The following STXBP5 variants were observed in gnomAD, a reference collection of about 807,000 sequenced individuals.
STXBP5 encodes syntaxin binding protein 5.
Under a neutral mutation model 152.4 loss-of-function variants are expected in STXBP5, and 50 were observed. The ratio of observed to expected loss-of-function variants is 0.33; its 90% CI spans 0.26 to 0.42. The LOEUF (loss-of-function observed/expected upper bound fraction) is 0.42, where lower values mean the gene tolerates loss of function less well. Among genes scored for constraint, STXBP5 ranks in the 10% least tolerant of loss-of-function variants. The pLI is 1.00. For missense variants in STXBP5, 1,167 were observed against 1,388.6 expected, an observed-to-expected ratio of 0.84 and a Z score of 2.54; for synonymous variants, 492 against 494.7, an observed-to-expected ratio of 0.99 and a Z score of 0.07.
At chr6:147,384,469 G>A (rs1786244165) in intron 27 of STXBP5, among the ~76,000 whole-genome samples, 1 of 152,052 alleles carries the variant, frequency 6.6e-6, no homozygotes, top group Admixed American at 6.6e-5. Flanking sequence ...TACTAGCTTA[G>A]GTCACCAAAT....
intron 8 of STXBP5, among the ~76,000 whole-genome samples, chr6:147,288,005 G>A (rs1397028030): frequency 6.6e-6 from 1 of 151,704 alleles, no homozygotes; most frequent in African/African-American, 2.4e-5. Context: ...CCAGAAATGA[G>A]TGACTGGGGC....
chr6:147,221,057 CTTTT>C (rs1480132493), intron 2 of STXBP5, among the ~76,000 whole-genome samples: 3 of 151,906 alleles, frequency 2.0e-5, no homozygotes, highest in Non-Finnish European at 2.9e-5. Flanking sequence ...AGTTATACTT[CTTTT>C]ATTTTTTTAA....
intron 16 of STXBP5, among the ~76,000 whole-genome samples, chr6:147,320,571 G>GTA (rs1298733065): frequency 2.5e-5 from 3 of 120,570 alleles, no homozygotes; most frequent in Non-Finnish European, 4.9e-5. Flanking sequence ...GTGTGTGTGT[G>GTA]TGTGTGTGTG....
chr6:147,207,292 T>G (rs907550379), intron 2 of STXBP5, among the ~76,000 whole-genome samples: 1 of 152,196 alleles, frequency 6.6e-6, no homozygotes, highest in Non-Finnish European at 1.5e-5. Flanking sequence ...ATCTTCAAAA[T>G]GCTAATAGAA....
chr6:147,236,871 C>A (rs535501010), intron 3 of STXBP5, among the ~76,000 whole-genome samples: 3 of 151,712 alleles, frequency 2.0e-5, no homozygotes, highest in Non-Finnish European at 4.4e-5. Context: ...CTCCGCCTCC[C>A]GGGTTCAAAT....
intron 21 of STXBP5, among the ~76,000 whole-genome samples, chr6:147,344,185 A>C (rs551929163): frequency 1.7e-4 from 26 of 152,274 alleles, no homozygotes; most frequent in Admixed American, 1.6e-3. Flanking sequence ...AAATTTCTTA[A>C]TAAAATGTGC....
chr6:147,268,055 T>C (rs139921328), intron 7 of STXBP5, among the ~76,000 whole-genome samples: 4 of 152,172 alleles, frequency 2.6e-5, no homozygotes, highest in Non-Finnish European at 5.9e-5. Context: ...TTAGTATTCA[T>C]CTTAAGGGGT....
chr6:147,287,867 G>A (rs1781064701), intron 8 of STXBP5, among the ~76,000 whole-genome samples: 1 of 152,110 alleles, frequency 6.6e-6, no homozygotes, highest in South Asian at 2.1e-4. Context: ...TTCAAAAAAA[G>A]CTATATTCTT....
In STXBP5 at chr6:147,260,869, T is replaced by C. The variant is rs1779609637; in HGVS notation, c.566+120T>C. The C allele has an allele frequency of 2.4e-6, 3 of 1,259,834 alleles. No individual in the cohort carries two copies. In the African/African-American group the frequency reaches 4.5e-5, roughly 19 times the overall value. 78.0% of individuals were successfully genotyped at this position (1,259,834 alleles called of 1,614,324 possible). A position where few individuals can be genotyped will look rare whatever the true frequency, so the allele number is the denominator to read the frequency against. The stretch of plus-strand genomic sequence containing the variant: ...AAATATGTGACAGATGTTCTTAATA[T>C]TAAGTACAGATTTATTAGTTTTTTA... On this transcript the variant is annotated intron_variant, in intron 5 of 27. Coordinates refer to ENST00000321680, the MANE Select transcript of STXBP5 (RefSeq NM_001127715.4).
At chr6:147,290,189 C>T (rs1781207907) in intron 8 of STXBP5, among the ~76,000 whole-genome samples, 1 of 152,034 alleles carries the variant, frequency 6.6e-6, no homozygotes, top group African/African-American at 2.4e-5. Flanking sequence ...TCCTGGGCTA[C>T]AGGAGTGAGA....
At chr6:147,231,634 A>C (rs1778011437) in intron 2 of STXBP5, among the ~76,000 whole-genome samples, 1 of 151,918 alleles carries the variant, frequency 6.6e-6, no homozygotes, top group Non-Finnish European at 1.5e-5. Context: ...ACATATATAA[A>C]AACAAATATT....
In STXBP5 at chr6:147,271,241, T is replaced by C. The variant is rs75993961; in HGVS notation, c.714+4074T>C. 7.9e-3 allele frequency among the ~76,000 whole-genome samples: 1,203 copies of C among 152,108 alleles called. 10 individuals carry two copies. The highest frequency in any genetic ancestry group is 0.026 in the African/African-American group (1,073 of 41,524). ...AAACCCACTTTTAAAGATACAGATATGTTGGAAAAAAAGATAGATGGAAAA... is the reference window on the plus strand; with the variant it reads ...AAACCCACTTTTAAAGATACAGATACGTTGGAAAAAAAGATAGATGGAAAA... On this transcript the variant is annotated intron_variant, in intron 7 of 27. Coordinates refer to ENST00000321680, the MANE Select transcript of STXBP5 (RefSeq NM_001127715.4).
intron 8 of STXBP5, among the ~76,000 whole-genome samples, chr6:147,288,082 C>T (rs752268590): frequency 3.9e-5 from 6 of 152,042 alleles, no homozygotes; most frequent in Non-Finnish European, 5.9e-5. Context: ...GTCTAGTTCT[C>T]GGAGCTTTTC....
chr6:147,324,276 T>TTG (rs1554214597), intron 16 of STXBP5, among the ~76,000 whole-genome samples: 3 of 127,228 alleles, frequency 2.4e-5, no homozygotes, highest in African/African-American at 9.2e-5. Context: ...TTTTTTTTTT[T>TTG]TTTTTTTTTT....
At chr6:147,318,400 GC>G (rs1415771396) in intron 16 of STXBP5, among the ~76,000 whole-genome samples, 1 of 152,104 alleles carries the variant, frequency 6.6e-6, no homozygotes, top group Non-Finnish European at 1.5e-5. Context: ...GCAGCAACCA[GC>G]AGCAGCTGTT....
At chr6:147,224,766 T>A (rs547391334) in intron 2 of STXBP5, among the ~76,000 whole-genome samples, 32 of 152,324 alleles carry the variant, frequency 2.1e-4, no homozygotes, top group African/African-American at 5.3e-4. Flanking sequence ...TCAATTTTTT[T>A]AAATTGTTTT....
intron 21 of STXBP5, among the ~76,000 whole-genome samples, chr6:147,341,780 C>CT (rs1784106323): frequency 6.6e-6 from 1 of 151,774 alleles, no homozygotes; most frequent in Non-Finnish European, 1.5e-5. Context: ...TTTTAACTGC[C>CT]TGACAGTACA....
intron 13 of STXBP5, 116 bp from the exon 14 acceptor site, chr6:147,314,480 T>C: frequency 7.5e-7 from 1 of 1,333,112 alleles, no homozygotes; most frequent in Non-Finnish European, 1.0e-6. Flanking sequence ...CCTGCCAGTT[T>C]ACCCTGATTT....
At chr6:147,372,824 C>T (rs1159776311) in intron 25 of STXBP5, among the ~76,000 whole-genome samples, 1 of 152,094 alleles carries the variant, frequency 6.6e-6, no homozygotes. Context: ...CTCCTTTTAT[C>T]ATTTCTGCAC....
Sources: allele counts gnomAD v4.1 joint callset (sites outside exome capture counted in the v4.1 genomes callset), GRCh38; gene constraint gnomAD v4.1.1; transcripts MANE v1.5; gene names NCBI Gene and HGNC (gene_info 2026-07-23, HGNC 2026-07-21).